The following ERN2 variants were observed in gnomAD, a reference collection of about 807,000 sequenced individuals.
ERN2 encodes endoplasmic reticulum to nucleus signaling 2, also known as serine/threonine-protein kinase/endoribonuclease IRE2.
In ERN2, 111 loss-of-function variants were observed where a neutral mutation model predicts 107.9. The observed-to-expected ratio is 1.03, with a 90% CI of 0.88 to 1.20. The LOEUF (loss-of-function observed/expected upper bound fraction) is 1.20. Ranked by LOEUF, ERN2 falls within the 50% of genes most tolerant of loss-of-function variation. ERN2 has a pLI of 0.00. For synonymous variants in ERN2, 524 were observed against 501.7 expected (o/e 1.04, Z -0.59); for missense variants, 1,225 against 1,197.9 (o/e 1.02, Z -0.33).
At chr16:23,701,537 T>A (rs921965769) in intron 11 of ERN2, among the ~76,000 whole-genome samples, 6 of 152,218 alleles carry the variant, frequency 3.9e-5, no homozygotes, top group African/African-American at 1.4e-4. Flanking sequence ...CAGGAGCACA[T>A]GCTTTTATAG....
intron 2 of ERN2, 52 bp downstream of exon 2, chr16:23,710,861 C>T (rs375726755): frequency 1.6e-6 from 2 of 1,276,694 alleles, no homozygotes; most frequent in South Asian, 1.2e-5. Flanking sequence ...AGTGACTATC[C>T]CTTCACCAAT....
chr16:23,708,764 C>T (rs1960425490), intron 4 of ERN2, among the ~76,000 whole-genome samples: 1 of 152,178 alleles, frequency 6.6e-6, no homozygotes, highest in African/African-American at 2.4e-5. Context: ...TAAGACGTGC[C>T]TGCTTCCCCT....
rs1259864882 is a variant in ERN2, at chr16:23,701,014, G to C, written c.1304C>G (p.Ala435Gly). 6.2e-7 allele frequency: 1 copy of C among 1,614,184 alleles called. No homozygotes were observed. The highest frequency in any genetic ancestry group is 8.5e-7 in the Non-Finnish European group (1 of 1,180,020). Residue 435 changes from alanine (A) to glycine (G), a missense_variant, in exon 12 of 22, where the codon GCA (alanine) becomes GGA (glycine). Coordinates refer to ENST00000256797, the MANE Select transcript of ERN2 (RefSeq NM_033266.4). ...CAGGAGGACAGCAGTGAGGCTAGCTGCCAGCAGGTCTTGGGGTCCCAGCCC... is the reference window on the plus strand; with the variant it reads ...CAGGAGGACAGCAGTGAGGCTAGCTCCCAGCAGGTCTTGGGGTCCCAGCCC... ...YLGLGPQDLL[A>G]ASLTAVLLGG... is the part of the protein sequence containing the mutation.
intron 11 of ERN2, 79 bp from the exon 12 acceptor site, chr16:23,701,193 A>T: frequency 5.6e-6 from 8 of 1,423,560 alleles, no homozygotes; most frequent in South Asian, 1.3e-5. Context: ...CCCAGCACAG[A>T]GCTGGGCTTA....
intron 13 of ERN2, 94 bp downstream of exon 13, chr16:23,700,445 A>G (rs1177259649): frequency 2.3e-6 from 3 of 1,294,468 alleles, no homozygotes; most frequent in Admixed American, 2.2e-5. Context: ...TAACCACCCC[A>G]CTATAGTGGC....
chr16:23,706,883 T>C (rs957998099), intron 5 of ERN2, 22 bp from the exon 6 acceptor site: 4 of 1,603,168 alleles, frequency 2.5e-6, no homozygotes, highest in South Asian at 1.1e-5. Flanking sequence ...GAAAGTGTGT[T>C]AGCTCTCAAG....
intron 3 of ERN2, 22 bp from the exon 4 acceptor site, chr16:23,710,266 G>A (rs1960486442): frequency 2.5e-6 from 4 of 1,600,900 alleles, no homozygotes; most frequent in Non-Finnish European, 2.6e-6. Flanking sequence ...AGAGAAACAA[G>A]GAGACCAATG....
intron 13 of ERN2, among the ~76,000 whole-genome samples, chr16:23,697,899 G>T (rs1378161801): frequency 1.3e-5 from 2 of 151,896 alleles, no homozygotes; most frequent in Non-Finnish European, 2.9e-5. Context: ...TGGATTACAG[G>T]CATGTGCCTC....
rs140949755 is a variant in ERN2, at chr16:23,701,957, C to T, written c.1203+195G>A. 1.7e-3 allele frequency among the ~76,000 whole-genome samples: 244 copies of T among 141,058 alleles called. 1 individual carries two copies. Among genetic ancestry groups the T allele is most frequent in the African/African-American group, 5.8e-3 (234 of 40,134 alleles). The allele number at this position is 141,058 out of a possible 152,430, so 92.5% of individuals were successfully genotyped here. On this transcript the variant is annotated intron_variant, in intron 11 of 21. Transcript: ENST00000256797. ...CCCAGCCACTTTTTAACACTTCTAA[C>T]GTGTTTCTGGCAGTAACAACAACAA... is the stretch of plus-strand genomic sequence containing the variant.
intron 13 of ERN2, chr16:23,696,806 T>C (rs1959846634): frequency 6.6e-6 from 1 of 152,240 alleles, no homozygotes; most frequent in South Asian, 2.1e-4. Context: ...CCTAGAGTTG[T>C]GCAGTGCGGT....
In ERN2 at chr16:23,690,792, AG is replaced by A; in HGVS notation, c.*38del. Reference sequence around the variant, plus strand: ...CAGCCACAGGCTCAGCTCTTCAGTGAGCCAGCACGGAGACCATCTGTGTGGC... The same window carrying A: ...CAGCCACAGGCTCAGCTCTTCAGTGACCAGCACGGAGACCATCTGTGTGGC... On this transcript the variant is annotated 3_prime_UTR_variant, in exon 22 of 22. Coordinates refer to ENST00000256797, the MANE Select transcript of ERN2 (RefSeq NM_033266.4). 6.4e-7 allele frequency: 1 copy of A among 1,556,750 alleles called. No homozygotes were observed. The highest frequency in any genetic ancestry group is 8.8e-7 in the Non-Finnish European group (1 of 1,142,294).
At chr16:23,705,529 T>C (rs9923832) in intron 7 of ERN2, among the ~76,000 whole-genome samples, 2,467 of 151,888 alleles carry the variant, frequency 0.016, 72 homozygotes, top group African/African-American at 0.055. Flanking sequence ...GTGACCTGTG[T>C]AGGGTCTCAT....
At chr16:23,712,079 C>T (rs756622258) in intron 1 of ERN2, 44 of 452,238 alleles carry the variant, frequency 9.7e-5, no homozygotes, top group African/African-American at 6.6e-4. Flanking sequence ...AGCCGCACCC[C>T]TACAAAGGCC....
rs1597155196 is a variant in ERN2 at position 23,706,255 on chromosome 16, G to A, written c.589+75C>T. 1.6e-5 allele frequency: 17 copies of A among 1,032,824 alleles called. No homozygotes were observed. The South Asian group carries it at 2.9e-4, about 17-fold the overall frequency. The allele number at this position is 1,032,824 out of a possible 1,614,324, so 64.0% of individuals were successfully genotyped here. A position where few individuals can be genotyped will look rare whatever the true frequency, so the allele number is the denominator to read the frequency against. On this transcript the variant is annotated intron_variant, in intron 7 of 21. Coordinates refer to ENST00000256797, the MANE Select transcript of ERN2 (RefSeq NM_033266.4). Reference sequence around the variant, plus strand: ...TGGGTCGAAATGTGGCTGGGAATTGGTCATGGATGCTGTTCAGGGTTCCCT... The same window carrying A: ...TGGGTCGAAATGTGGCTGGGAATTGATCATGGATGCTGTTCAGGGTTCCCT...
At chr16:23,693,589 CAA>C (rs765586188) in intron 17 of ERN2, among the ~76,000 whole-genome samples, 1 of 134,942 alleles carries the variant, frequency 7.4e-6, no homozygotes, top group Non-Finnish European at 1.6e-5. Context: ...AACTCCATCT[CAA>C]AAAAAAAAAA....
Position 23,702,293 on chromosome 16 carries a change from T to A in ERN2, c.1082-20A>T, listed in dbSNP as rs1344515736. 6.2e-7 allele frequency: 1 copy of A among 1,613,568 alleles called. No homozygotes were observed. Among genetic ancestry groups the A allele is most frequent in the Non-Finnish European group, 8.5e-7 (1 of 1,179,878 alleles). On this transcript the variant is annotated intron_variant, in intron 10 of 21. Coordinates refer to ENST00000256797, the MANE Select transcript of ERN2 (RefSeq NM_033266.4). ...GGTGTCCTAAGGTGGGGGGCAAAAG[T>A]CATCAGGCTGAAGGGGACCTTAGCT...
chr16:23,703,926 A>T (rs535942169), intron 8 of ERN2, among the ~76,000 whole-genome samples: 3 of 152,192 alleles, frequency 2.0e-5, no homozygotes, highest in African/African-American at 7.2e-5. Flanking sequence ...CCTTTATCAT[A>T]TCAGGTTGCA....
In ERN2 at chr16:23,694,855, A is replaced by G. The variant is rs1186449684; in HGVS notation, c.1973T>C (p.Leu658Pro). 9 of 1,614,182 alleles carry G rather than the reference A, an allele frequency of 5.6e-6. No individual in the cohort carries two copies. Among genetic ancestry groups the G allele is most frequent in the Non-Finnish European group, 7.6e-6 (9 of 1,180,014 alleles). The stretch of plus-strand genomic sequence containing the variant: ...CTTCTTGCAGAGGCCGAAGTCTGAG[A>G]GCACCACTCTGCCCAGGCCCTGGCT... ...PDSQGLGRVV[L>P]SDFGLCKKLP... is the part of the protein sequence containing the mutation. The change falls in exon 17 of 22, where the codon CTC becomes CCC. Residue 658 changes from leucine (L) to proline (P), a missense_variant. Leu to Pro is a moderately conservative substitution (Grantham distance 98). Coordinates refer to ENST00000256797, the MANE Select transcript of ERN2 (RefSeq NM_033266.4).
At position 23,702,261 on chromosome 16, in the gene ERN2, A is replaced by G; in HGVS notation, c.1094T>C (p.Leu365Pro). 1 of 1,614,130 alleles carries G rather than the reference A, an allele frequency of 6.2e-7. No individual in the cohort carries two copies. Reference protein sequence around the residue: ...SQWLLIGHHELPPVLHTTMLR... With the variant: ...SQWLLIGHHEPPPVLHTTMLR... ...CATGGTGGTGTGCAGGACTGGGGGT[A>G]GCTCGTGGTGTCCTAAGGTGGGGGG... The change falls in exon 11 of 22, where the codon CTA becomes CCA. Residue 365 changes from leucine (L) to proline (P), a missense_variant. Coordinates refer to ENST00000256797, the MANE Select transcript of ERN2 (RefSeq NM_033266.4).
Sources: gnomAD v4.1 joint callset for allele counts (sites outside exome capture counted in the v4.1 genomes callset) on GRCh38, gnomAD v4.1.1 for gene constraint, MANE v1.5 for transcripts, NCBI Gene and HGNC (gene_info 2026-07-23, HGNC 2026-07-21) for gene names.